Variants in TNRC6C observed in about 807,000 individuals in gnomAD.
The protein encoded by TNRC6C is trinucleotide repeat containing adaptor 6C, also known as trinucleotide repeat-containing gene 6C protein.
TNRC6C carries 20 observed loss-of-function variants against 153.7 expected under a neutral mutation model. The ratio of observed to expected loss-of-function variants is 0.13; its 90% CI spans 0.09 to 0.19. The LOEUF (loss-of-function observed/expected upper bound fraction) is 0.19, where lower values mean the gene tolerates loss of function less well. TNRC6C is among the 10% of genes least tolerant of loss of function. TNRC6C has a pLI of 1.00. For synonymous variants in TNRC6C, 811 were observed against 841.4 expected, an observed-to-expected ratio of 0.96 and a Z score of 0.63; for missense variants, 1,987 against 2,172.0, an observed-to-expected ratio of 0.91 and a Z score of 1.69.
chr17:78,067,929 T>C lies in TNRC6C; in HGVS notation c.2778+6T>C, dbSNP rs1335048457. On this transcript the variant is annotated splice_donor_region_variant and intron_variant, in intron 5 of 19. Coordinates refer to ENST00000301624, the Ensembl canonical transcript of TNRC6C. ...CCAAAAAAGGACTTCAAAAGGTAAG[T>C]ACAACACTCTTAACGACGGTACACC... is the stretch of plus-strand genomic sequence containing the variant. 6.2e-7 allele frequency: 1 copy of C among 1,606,110 alleles called. No individual in the cohort carries two copies. The highest frequency in any genetic ancestry group is 1.1e-5 in the South Asian group (1 of 89,966).
chr17:78,067,510 T>G (rs1167092539), intron 4 of TNRC6C, among the ~76,000 whole-genome samples: 1 of 152,174 alleles, frequency 6.6e-6, no homozygotes, highest in Non-Finnish European at 1.5e-5. Context: ...TGTAGTTGGT[T>G]AAGGAAGTTT....
At chr17:78,035,776 A>G (rs1309520122) in intron 2 of TNRC6C, among the ~76,000 whole-genome samples, 1 of 152,194 alleles carries the variant, frequency 6.6e-6, no homozygotes, top group African/African-American at 2.4e-5. Context: ...TAGTTGTTTA[A>G]TGAATTCACA....
chr17:78,060,212 A>G (rs564485728), intron 3 of TNRC6C, among the ~76,000 whole-genome samples: 1 of 152,198 alleles, frequency 6.6e-6, no homozygotes, highest in Non-Finnish European at 1.5e-5. Context: ...ACTCTTCTAT[A>G]TAAAGTTTCA....
chr17:77,958,654 G>C (rs534953276), upstream of TNRC6C, among the ~76,000 whole-genome samples: 24 of 152,092 alleles, frequency 1.6e-4, no homozygotes, highest in East Asian at 4.7e-3. Flanking sequence ...GCGGGGAAGG[G>C]GGCGCGAGCG....
rs77269603 is a variant in TNRC6C, at chr17:77,998,866, A to G, written c.-37-5304A>G. Among the ~76,000 whole-genome samples, 859 of 152,310 alleles carry G rather than the reference A, an allele frequency of 5.6e-3. 6 individuals carry two copies. The highest frequency in any genetic ancestry group is 0.019 in the African/African-American group (809 of 41,570). ...ATCCTGGACGTTTTGAGTATGTCATATAGACTTTTAGTACTATCAGACTCT... is the reference window on the plus strand; with the variant it reads ...ATCCTGGACGTTTTGAGTATGTCATGTAGACTTTTAGTACTATCAGACTCT... On this transcript the variant is annotated intron_variant, in intron 1 of 22. Coordinates refer to the TNRC6C transcript ENST00000636222.
intron 3 of TNRC6C, among the ~76,000 whole-genome samples, chr17:78,061,834 T>C (rs2072775051): frequency 6.6e-6 from 1 of 152,236 alleles, no homozygotes; most frequent in Non-Finnish European, 1.5e-5. Flanking sequence ...CTCCTGCCTT[T>C]AAGAGGAATT....
At chr17:77,987,183 C>T (rs1217882920) in intron 1 of TNRC6C, among the ~76,000 whole-genome samples, 3 of 152,046 alleles carry the variant, frequency 2.0e-5, no homozygotes, top group African/African-American at 4.8e-5. Context: ...ACTGAAGAGA[C>T]GGGCCAGGAT....
chr17:78,101,097 C>T (rs1403405663), intron 17 of TNRC6C, among the ~76,000 whole-genome samples: 2 of 152,120 alleles, frequency 1.3e-5, no homozygotes, highest in African/African-American at 2.4e-5. Flanking sequence ...CTTTCATGTT[C>T]GACTTTCCTT....
intron 3 of TNRC6C, among the ~76,000 whole-genome samples, chr17:78,060,728 A>G (rs572985936): frequency 6.6e-6 from 1 of 152,118 alleles, no homozygotes; most frequent in Admixed American, 6.5e-5. Context: ...CTCTTAATTA[A>G]TTACAATTGG....
exon 20 of TNRC6C, chr17:78,105,083 C>A: frequency 2.4e-6 from 1 of 409,136 alleles, no homozygotes; most frequent in Non-Finnish European, 4.2e-6. Context: ...TTTTGTGCGT[C>A]TTATGTTTGT....
chr17:77,960,360 G>A (rs1159170918), intron 1 of TNRC6C, among the ~76,000 whole-genome samples: 1 of 152,188 alleles, frequency 6.6e-6, no homozygotes, highest in Non-Finnish European at 1.5e-5. Flanking sequence ...AGTGTCTGGT[G>A]TTCACGTTGA....
exon 6 of TNRC6C, chr17:78,071,131 G>T: frequency 6.2e-7 from 1 of 1,606,886 alleles, no homozygotes; most frequent in Non-Finnish European, 8.5e-7. Flanking sequence ...ATCATGAGCC[G>T]GCTGATCAAA....
intron 1 of TNRC6C, among the ~76,000 whole-genome samples, chr17:78,030,674 A>G (rs535563340): frequency 1.8e-4 from 27 of 152,268 alleles, no homozygotes; most frequent in Non-Finnish European, 3.7e-4. Context: ...CATCAGAATT[A>G]AAACAAAAAT....
At chr17:78,068,172 T>C (rs2072920838) in intron 5 of TNRC6C, among the ~76,000 whole-genome samples, 2 of 152,190 alleles carry the variant, frequency 1.3e-5, no homozygotes, top group South Asian at 4.1e-4. Flanking sequence ...GAGAACTTTA[T>C]TGTAGCAGAG....
At chr17:78,091,365 T>C in intron 13 of TNRC6C, 75 bp from the exon 16 acceptor site, 5 of 1,376,794 alleles carry the variant, frequency 3.6e-6, no homozygotes, top group Non-Finnish European at 4.7e-6. Flanking sequence ...AAGACTGAAA[T>C]AGCTTCTATA....
chr17:77,994,878 A>G (rs919355595), intron 1 of TNRC6C, among the ~76,000 whole-genome samples: 5 of 152,142 alleles, frequency 3.3e-5, no homozygotes, highest in Non-Finnish European at 7.4e-5. Context: ...TTATACTTTG[A>G]TGTAATGTTT....
rs547978171 is a variant in TNRC6C at position 78,058,900 on chromosome 17, A to G, written c.2396-5822A>G. ...CTTTAAAACTTAGTTTTCTGAAACA[A>G]TTATCATCTTATAAAATATAAAACC... is the stretch of plus-strand genomic sequence containing the variant. On this transcript the variant is annotated intron_variant, in intron 3 of 19. Coordinates refer to ENST00000301624, the Ensembl canonical transcript of TNRC6C. Among the ~76,000 whole-genome samples, 7 of 152,376 alleles carry G rather than the reference A, an allele frequency of 4.6e-5. No individual in the cohort carries two copies. In the South Asian group the frequency reaches 8.3e-4, roughly 18 times the overall value.
chr17:78,057,365 C>A (rs2072679365), intron 3 of TNRC6C, among the ~76,000 whole-genome samples: 1 of 152,250 alleles, frequency 6.6e-6, no homozygotes, highest in Admixed American at 6.5e-5. Flanking sequence ...GCCTTTCACT[C>A]TCCAAACTTG....
At chr17:77,958,516 G>A (rs949999802), upstream of TNRC6C, among the ~76,000 whole-genome samples, 12 of 152,114 alleles carry the variant, frequency 7.9e-5, no homozygotes, top group Non-Finnish European at 1.8e-4. Flanking sequence ...CCAATGGGCC[G>A]GGAGGGGCGC....
Sources: gnomAD v4.1 joint callset for allele counts (sites outside exome capture counted in the v4.1 genomes callset) on GRCh38, gnomAD v4.1.1 for gene constraint, MANE v1.5 for transcripts, NCBI Gene and HGNC (gene_info 2026-07-23, HGNC 2026-07-21) for gene names.